Variants in MIPOL1 observed in about 807,000 individuals in gnomAD.
MIPOL1 encodes the protein mirror-image polydactyly 1.
MIPOL1 carries 57 observed loss-of-function variants against 60.9 expected under a neutral mutation model. That is an observed-to-expected ratio of 0.94 (90% CI 0.76 to 1.17). The LOEUF (loss-of-function observed/expected upper bound fraction) is 1.17, where lower values mean the gene tolerates loss of function less well. Ranked by LOEUF, MIPOL1 falls within the 50% of genes most tolerant of loss-of-function variation. The pLI, the probability that MIPOL1 is intolerant of heterozygous loss-of-function variation, is 0.00. For synonymous variants in MIPOL1, 179 were observed against 168.8 expected, an observed-to-expected ratio of 1.06 and a Z score of -0.47; for missense variants, 551 against 511.6, an observed-to-expected ratio of 1.08 and a Z score of -0.74.
chr14:37,369,495 TG>T, intron 9 of MIPOL1, 21 bp from the exon 10 acceptor site: 1 of 1,577,640 alleles, frequency 6.3e-7, no homozygotes, highest in Non-Finnish European at 8.7e-7. Context: ...CTTTACTTAA[TG>T]GGATTCTTCC....
intron 1 of MIPOL1, among the ~76,000 whole-genome samples, chr14:37,217,594 A>C (rs528869646): frequency 2.0e-5 from 3 of 152,342 alleles, no homozygotes; most frequent in Admixed American, 2.0e-4. Flanking sequence ...CAACATACAC[A>C]AATCAATCAA....
intron 10 of MIPOL1, chr14:37,396,896 G>A (rs745624542): frequency 6.6e-6 from 1 of 152,060 alleles, no homozygotes; most frequent in Non-Finnish European, 1.5e-5. Context: ...TCATGTTTTA[G>A]ATTTCCTTTC....
chr14:37,381,441 A>G (rs1409939433), intron 10 of MIPOL1, among the ~76,000 whole-genome samples: 1 of 152,062 alleles, frequency 6.6e-6, no homozygotes, highest in African/African-American at 2.4e-5. Context: ...AATGTCCTGG[A>G]TAGCTTTAAA....
At chr14:37,279,658 T>C (rs1270301054) in intron 6 of MIPOL1, among the ~76,000 whole-genome samples, 2 of 152,064 alleles carry the variant, frequency 1.3e-5, no homozygotes, top group African/African-American at 4.8e-5. Flanking sequence ...GTATATATTA[T>C]TCCCTTAATT....
intron 9 of MIPOL1, among the ~76,000 whole-genome samples, chr14:37,324,340 T>G (rs2088922172): frequency 6.6e-6 from 1 of 152,076 alleles, no homozygotes; most frequent in African/African-American, 2.4e-5. Flanking sequence ...TTTCAGATAC[T>G]TACTGGCCAT....
At chr14:37,440,014 G>A (rs1306769127) in intron 11 of MIPOL1, among the ~76,000 whole-genome samples, 1 of 152,014 alleles carries the variant, frequency 6.6e-6, no homozygotes, top group Non-Finnish European at 1.5e-5. Context: ...CTAATTTGTT[G>A]GGGTCTTTTG....
At chr14:37,281,557 A>G (rs1304530080) in intron 6 of MIPOL1, among the ~76,000 whole-genome samples, 1 of 152,098 alleles carries the variant, frequency 6.6e-6, no homozygotes, top group Non-Finnish European at 1.5e-5. Context: ...GGCACGCACC[A>G]CTATGCCCAG....
chr14:37,313,440 A>G (rs1055700243), intron 9 of MIPOL1, among the ~76,000 whole-genome samples: 4 of 152,088 alleles, frequency 2.6e-5, no homozygotes, highest in Non-Finnish European at 4.4e-5. Flanking sequence ...TCTTATTGGT[A>G]TTTGTAGTTA....
At chr14:37,319,125 G>C (rs2088273799) in intron 9 of MIPOL1, among the ~76,000 whole-genome samples, 1 of 152,012 alleles carries the variant, frequency 6.6e-6, no homozygotes, top group African/African-American at 2.4e-5. Context: ...ACAGGCATGA[G>C]TCACTGCACC....
At chr14:37,203,986 G>A (rs771640891) in intron 1 of MIPOL1, among the ~76,000 whole-genome samples, 14 of 151,938 alleles carry the variant, frequency 9.2e-5, no homozygotes, top group African/African-American at 1.2e-4. Context: ...GTTTCACCAC[G>A]TTAGCCAGGA....
rs139804797 is a variant in MIPOL1, at chr14:37,378,959, A to G, written c.936+9335A>G. 3.1e-3 allele frequency among the ~76,000 whole-genome samples: 466 copies of G among 152,254 alleles called. 1 individual carries two copies. Among genetic ancestry groups the G allele is most frequent in the African/African-American group, 0.01 (426 of 41,578 alleles). ...AGACCACAGTGAAAGGTAGAAATTT[A>G]TATCATTCATTAAGCTAGTAATCCT... is the stretch of plus-strand genomic sequence containing the variant. On this transcript the variant is annotated intron_variant, in intron 10 of 12. Coordinates refer to ENST00000684589, the MANE Select transcript of MIPOL1 (RefSeq NM_001388067.1).
chr14:37,440,938 T>C (rs1433507867), intron 11 of MIPOL1, among the ~76,000 whole-genome samples: 1 of 152,210 alleles, frequency 6.6e-6, no homozygotes, highest in East Asian at 1.9e-4. Context: ...TCTGACTTTC[T>C]AATAATGGCC....
In MIPOL1 at chr14:37,317,549, C is replaced by A. The variant is rs538252248; in HGVS notation, c.828+9030C>A. Among the ~76,000 whole-genome samples the A allele has an allele frequency of 1.9e-3, 295 of 152,064 alleles. 3 individuals carry two copies. Among genetic ancestry groups the A allele is most frequent in the South Asian group, 0.015 (70 of 4,814 alleles). On this transcript the variant is annotated intron_variant, in intron 9 of 12. Transcript: ENST00000684589. ...GCAATGAATTCCAGACTCTCCCTCA[C>A]TGTGGACTCTCCCTTATGTAAAGAG... is the stretch of plus-strand genomic sequence containing the variant.
At chr14:37,512,360 G>A (rs1348064543) in intron 12 of MIPOL1, among the ~76,000 whole-genome samples, 1 of 151,830 alleles carries the variant, frequency 6.6e-6, no homozygotes, top group Non-Finnish European at 1.5e-5. Flanking sequence ...TTAGCATAGA[G>A]CAAACATACT....
intron 11 of MIPOL1, among the ~76,000 whole-genome samples, chr14:37,470,424 C>T (rs765323171): frequency 6.6e-6 from 1 of 151,542 alleles, no homozygotes; most frequent in East Asian, 1.9e-4. Context: ...CGGATTTCCC[C>T]CTTGCTGTTC....
At chr14:37,451,501 T>C (rs191972204) in intron 11 of MIPOL1, among the ~76,000 whole-genome samples, 1 of 152,166 alleles carries the variant, frequency 6.6e-6, no homozygotes, top group Non-Finnish European at 1.5e-5. Context: ...GGACAACACA[T>C]TCACATGCCA....
intron 11 of MIPOL1, among the ~76,000 whole-genome samples, chr14:37,477,126 T>C (rs559788551): frequency 2.0e-5 from 3 of 152,014 alleles, no homozygotes; most frequent in Admixed American, 2.0e-4. Context: ...TCTTGAACTT[T>C]TGATCTCAGG....
intron 11 of MIPOL1, among the ~76,000 whole-genome samples, chr14:37,445,149 G>A (rs1595804830): frequency 6.6e-6 from 1 of 152,228 alleles, no homozygotes; most frequent in Middle Eastern, 3.4e-3. Flanking sequence ...CCTGTTTGCA[G>A]ATGACATGAT....
At position 37,244,104 on chromosome 14, in the gene MIPOL1, C is replaced by CTTTTTTTTTTTT. The variant is rs143933758; in HGVS notation, c.-198-2978_-198-2967dup. ...TTTTCTTCCATGTAAGACTCACTTC[C>CTTTTTTTTTTTT]TTTTTTTTTTTTTTTTTTTTTTTTT... On this transcript the variant is annotated intron_variant, in intron 1 of 12. Coordinates refer to ENST00000684589, the MANE Select transcript of MIPOL1 (RefSeq NM_001388067.1). Among the ~76,000 whole-genome samples the CTTTTTTTTTTTT allele has an allele frequency of 1.6e-3, 82 of 51,612 alleles. 27 individuals carry two copies. The highest frequency in any genetic ancestry group is 2.2e-3 in the Non-Finnish European group (66 of 29,552). 33.9% of individuals were successfully genotyped at this position (51,612 alleles called of 152,430 possible). A position where few individuals can be genotyped will look rare whatever the true frequency, so the allele number is the denominator to read the frequency against.
Sources: allele counts gnomAD v4.1 joint callset (sites outside exome capture counted in the v4.1 genomes callset), GRCh38; gene constraint gnomAD v4.1.1; transcripts MANE v1.5; gene names NCBI Gene and HGNC (gene_info 2026-07-23, HGNC 2026-07-21).